Variants in PKLR observed in about 807,000 individuals in gnomAD.
PKLR encodes the protein pyruvate kinase L/R, also known as pyruvate kinase PKLR.
In PKLR, 38 loss-of-function variants were observed where a neutral mutation model predicts 53.6. That is an observed-to-expected ratio of 0.71 (90% CI 0.55 to 0.93). The LOEUF (loss-of-function observed/expected upper bound fraction) is 0.93. PKLR is among the 40% of genes least tolerant of loss of function. The pLI is 0.00. For missense variants in PKLR, 702 were observed against 787.3 expected, an observed-to-expected ratio of 0.89 and a Z score of 1.30; for synonymous variants, 328 against 316.2, an observed-to-expected ratio of 1.04 and a Z score of -0.39.
intron 1 of PKLR, 195 bp downstream of exon 1, chr1:155,301,101 C>T: frequency 3.5e-6 from 5 of 1,448,736 alleles, no homozygotes. Context: ...TGGCTCTGGC[C>T]TGCCTATAGG....
chr1:155,301,011 G>A, intron 1 of PKLR: 1 of 1,551,994 alleles, frequency 6.4e-7, no homozygotes, highest in Admixed American at 2.0e-5. Flanking sequence ...TGTCACCACT[G>A]TCTCCTGTTC....
upstream of PKLR, among the ~76,000 whole-genome samples, chr1:155,305,335 G>A (rs1557968171): frequency 6.6e-6 from 1 of 152,232 alleles, no homozygotes; most frequent in South Asian, 2.1e-4. Flanking sequence ...CCAGATAGTG[G>A]AGCTCCAGAG....
Position 155,293,375 on chromosome 1 carries a change from G to A in PKLR, c.1270-32C>T. 2 of 1,614,176 alleles carry A rather than the reference G, an allele frequency of 1.2e-6. No individual in the cohort carries two copies. The highest frequency in any genetic ancestry group is 1.7e-6 in the Non-Finnish European group (2 of 1,180,020). ...GTGCCAGAATGTTAGTCTGGGAAGGGGCACTGGGGTATGGAAGGGATTTGG... is the reference window on the plus strand; with the variant it reads ...GTGCCAGAATGTTAGTCTGGGAAGGAGCACTGGGGTATGGAAGGGATTTGG... On this transcript the variant is annotated intron_variant, in intron 8 of 10. Transcript: ENST00000342741. This position sits in a 1 kb window ranked among gnomAD's most constrained non-coding sequence, Gnocchi z 4.2.
chr1:155,300,781 T>A, intron 1 of PKLR: 1 of 1,392,820 alleles, frequency 7.2e-7, no homozygotes, highest in Non-Finnish European at 1.0e-6. Flanking sequence ...CCCCACCCCA[T>A]CCTCTGAGTC....
chr1:155,294,161 C>T, intron 7 of PKLR, 74 bp downstream of exon 7: 1 of 1,496,332 alleles, frequency 6.7e-7, no homozygotes, highest in Non-Finnish European at 9.3e-7. Context: ...AAATAAACCC[C>T]TACAGTGTGG....
rs1466212438 is a variant in PKLR, at chr1:155,301,436, G to A, written c.-41C>T. 2.5e-6 allele frequency: 4 copies of A among 1,614,014 alleles called. 1 individual carries two copies. The South Asian group carries it at 4.4e-5, about 18-fold the overall frequency. Reference sequence around the variant, plus strand: ...CTGGGGCTGCGGGACCATGGAATGAGAGGGAGAGGATGACAAAACTGCTGG... The same window carrying A: ...CTGGGGCTGCGGGACCATGGAATGAAAGGGAGAGGATGACAAAACTGCTGG... On this transcript the variant is annotated 5_prime_UTR_variant, in exon 1 of 11. Transcript: ENST00000342741.
At chr1:155,292,211 C>A (rs554407398) in intron 9 of PKLR, among the ~76,000 whole-genome samples, 154 of 134,416 alleles carry the variant, frequency 1.1e-3, no homozygotes, top group African/African-American at 3.9e-3. Flanking sequence ...CCAGCCTAGG[C>A]AACATAGTGA....
intron 2 of PKLR, among the ~76,000 whole-genome samples, chr1:155,298,613 C>G (rs1454230411): frequency 2.0e-5 from 3 of 151,728 alleles, no homozygotes; most frequent in Non-Finnish European, 2.9e-5. Context: ...AGGCGTGAGC[C>G]ACCGCGCCCA....
In PKLR at chr1:155,291,303, C is replaced by T. The variant is rs8177993; in HGVS notation, c.1618+453G>A. 6.5e-3 allele frequency among the ~76,000 whole-genome samples: 992 copies of T among 152,112 alleles called. 9 individuals are homozygous for T. Among genetic ancestry groups the T allele is most frequent in the African/African-American group, 0.023 (937 of 41,484 alleles). On this transcript the variant is annotated intron_variant, in intron 10 of 10. Coordinates refer to ENST00000342741, the MANE Select transcript of PKLR (RefSeq NM_000298.6). ...ACGTGGTCAAGACATTGAGACCATC[C>T]TGGCCAACATGGTGAAACCCTGTCT...
At chr1:155,291,665 A>C (rs1674548264) in intron 10 of PKLR, 91 bp downstream of exon 10, 1 of 1,115,948 alleles carries the variant, frequency 9.0e-7, no homozygotes, top group African/African-American at 1.5e-5. Flanking sequence ...CACAGGAGAG[A>C]GGCAAGGCCC....
In PKLR at chr1:155,294,284, A is replaced by G. The variant is rs752423472; in HGVS notation, c.1067T>C (p.Met356Thr). ...GCCCGCCAAGTTGCAGCGCCCAATC[A>G]TCATCTTCTGAGCCAGGAAAACCTT... ...AEKVFLAQKM[M>T]IGRCNLAGKP... Residue 356 changes from methionine (M) to threonine (T), a missense_variant, in exon 7 of 11, where the codon ATG (methionine) becomes ACG (threonine). Coordinates refer to ENST00000342741, the MANE Select transcript of PKLR (RefSeq NM_000298.6). The G allele has an allele frequency of 5.0e-6, 8 of 1,613,910 alleles. No individual in the cohort carries two copies. Among genetic ancestry groups the G allele is most frequent in the African/African-American group, 1.3e-5 (1 of 74,872 alleles).
rs1674433224 is a variant in PKLR, at chr1:155,289,311, T to G, written c.*1261A>C. 6.6e-6 allele frequency: 1 copy of G among 152,270 alleles called. No individual in the cohort carries two copies. The highest frequency in any genetic ancestry group is 1.5e-5 in the Non-Finnish European group (1 of 68,050). 9.4% of individuals were successfully genotyped at this position (152,270 alleles called of 1,614,324 possible). A position where few individuals can be genotyped will look rare whatever the true frequency, so the allele number is the denominator to read the frequency against. Reference sequence around the variant, plus strand: ...TTATTTATTCATTTATTTAATTGTATTTATTCATTTACTAACTTTATGTGT... The same window carrying G: ...TTATTTATTCATTTATTTAATTGTAGTTATTCATTTACTAACTTTATGTGT... On this transcript the variant is annotated 3_prime_UTR_variant, in exon 11 of 11. Coordinates refer to ENST00000342741, the MANE Select transcript of PKLR (RefSeq NM_000298.6).
chr1:155,302,965 G>A (rs1397358437), upstream of PKLR, among the ~76,000 whole-genome samples: 1 of 152,072 alleles, frequency 6.6e-6, no homozygotes, highest in Non-Finnish European at 1.5e-5. Flanking sequence ...TGCTCAAGTG[G>A]TCCTCCTGCC....
chr1:155,307,233 T>TC, the PKLR span, among the ~76,000 whole-genome samples: 1 of 152,178 alleles, frequency 6.6e-6, no homozygotes, highest in Non-Finnish European at 1.5e-5. Flanking sequence ...CAATTCTTTG[T>TC]TCAAGATGCC....
At chr1:155,301,782 G>C (rs192970334), upstream of PKLR, among the ~76,000 whole-genome samples, 1 of 152,078 alleles carries the variant, frequency 6.6e-6, no homozygotes, top group Non-Finnish European at 1.5e-5. Context: ...ATAATATGGT[G>C]GGGGGAGGGT....
In PKLR at chr1:155,293,412, A is replaced by G; in HGVS notation, c.1269+26T>C. 1 of 1,614,140 alleles carries G rather than the reference A, an allele frequency of 6.2e-7. No individual in the cohort carries two copies. The highest frequency in any genetic ancestry group is 1.3e-5 in the African/African-American group (1 of 75,054). The stretch of plus-strand genomic sequence containing the variant: ...TGGAAGGGATTTGGTTCCCTGGCCC[A>G]TTTGCTTTTCATTCTGAGCTCCTAC... On this transcript the variant is annotated intron_variant, in intron 8 of 10. Coordinates refer to ENST00000342741, the MANE Select transcript of PKLR (RefSeq NM_000298.6). The surrounding 1 kb of genome is among the most constrained non-coding windows in gnomAD (Gnocchi z 4.2).
intron 10 of PKLR, 65 bp from the exon 11 acceptor site, chr1:155,290,743 C>G: frequency 1.0e-6 from 1 of 992,576 alleles, no homozygotes; most frequent in Non-Finnish European, 1.6e-6. Context: ...AATCCCATCA[C>G]TTTGGGAAGC....
In PKLR at chr1:155,295,520, C is replaced by T; in HGVS notation, c.424G>A (p.Ala142Thr). The T allele has an allele frequency of 6.2e-7, 1 of 1,612,578 alleles. No homozygotes were observed. The highest frequency in any genetic ancestry group is 8.5e-7 in the Non-Finnish European group (1 of 1,179,394). The change falls in exon 4 of 11, where the codon GCA (alanine) becomes ACA (threonine). Residue 142 changes from alanine to threonine, a missense_variant. Around this residue, in one of 2 missense-constraint regions of PKLR, gnomAD observed 519 missense variants for 537.1 expected, o/e 0.97. Transcript: ENST00000342741. This position sits in a 1 kb window ranked among gnomAD's most constrained non-coding sequence, Gnocchi z 4.3. ...GGCCGGTAGCTGAGTGGGGAACCTG[C>T]AAAGCTCTCCACCGCCTCCCGGACG... is the stretch of plus-strand genomic sequence containing the variant. The part of the protein sequence containing the change: ...ANVREAVESF[A>T]GSPLSYRPVA...
intron 1 of PKLR, 65 bp from the exon 2 acceptor site, chr1:155,300,345 C>T (rs1647921946): frequency 7.7e-7 from 1 of 1,303,094 alleles, no homozygotes. Context: ...CTTCGTCTCT[C>T]AGCATACCCT....
Sources: gnomAD v4.1 joint callset for allele counts (sites outside exome capture counted in the v4.1 genomes callset) on GRCh38, gnomAD v4.1.1 for gene constraint, gnomAD v4.1.1 regional missense constraint, Gnocchi (gnomAD v3.1) non-coding constraint, MANE v1.5 for transcripts, NCBI Gene and HGNC (gene_info 2026-07-23, HGNC 2026-07-21) for gene names.